Variants in SRGAP1 observed in about 807,000 individuals in gnomAD.
The protein encoded by SRGAP1 is SLIT-ROBO Rho GTPase activating protein 1.
A neutral mutation model predicts 121.9 loss-of-function variants in SRGAP1; 43 were observed. That is an observed-to-expected ratio of 0.35 (90% confidence interval 0.28 to 0.46). SRGAP1 has a LOEUF of 0.46. Ranked by LOEUF, SRGAP1 falls within the 20% of genes least tolerant of loss-of-function variation. The pLI, the probability that SRGAP1 is intolerant of heterozygous loss-of-function variation, is 1.00. For synonymous variants in SRGAP1, 447 were observed against 485.4 expected (o/e 0.92, Z 1.04); for missense variants, 1,102 against 1,350.9 (o/e 0.82, Z 2.89).
At chr12:63,895,188 G>C (rs200819654) in intron 1 of SRGAP1, among the ~76,000 whole-genome samples, 1 of 151,420 alleles carries the variant, frequency 6.6e-6, no homozygotes, top group South Asian at 2.1e-4. Flanking sequence ...GATATGGCTT[G>C]GTAGCTTAAT....
intron 6 of SRGAP1, among the ~76,000 whole-genome samples, chr12:64,059,289 G>A (rs1467264406): frequency 1.3e-5 from 2 of 152,112 alleles, no homozygotes; most frequent in South Asian, 2.1e-4. Context: ...GCTAAGTCTC[G>A]GAATAATGAA....
At chr12:63,965,623 TAGTGAGACCTCATTGGCATCAC>T (rs1288377256) in intron 1 of SRGAP1, among the ~76,000 whole-genome samples, 3 of 152,024 alleles carry the variant, frequency 2.0e-5, no homozygotes, top group South Asian at 2.1e-4. Flanking sequence ...CTGGGCAACA[TAGTGAGACCTCATTGGCATCAC>T]AGTGAGACCT....
At chr12:63,874,576 G>A (rs1899968486) in intron 1 of SRGAP1, among the ~76,000 whole-genome samples, 1 of 151,998 alleles carries the variant, frequency 6.6e-6, no homozygotes, top group African/African-American at 2.4e-5. Context: ...AGAAAAATAT[G>A]ATTAATAAAA....
At chr12:64,044,751 G>A (rs984289500) in intron 6 of SRGAP1, among the ~76,000 whole-genome samples, 10 of 141,642 alleles carry the variant, frequency 7.1e-5, no homozygotes, top group African/African-American at 1.8e-4. Flanking sequence ...GCACTATCGC[G>A]GCTTACTTAA....
chr12:63,955,108 A>G (rs746979484), intron 1 of SRGAP1, among the ~76,000 whole-genome samples: 1 of 152,190 alleles, frequency 6.6e-6, no homozygotes, highest in South Asian at 2.1e-4. Flanking sequence ...ACTTGAGGTC[A>G]GGAGTTTGAG....
chr12:64,017,502 A>G (rs1256218612), intron 4 of SRGAP1, among the ~76,000 whole-genome samples: 1 of 151,964 alleles, frequency 6.6e-6, no homozygotes, highest in Non-Finnish European at 1.5e-5. Flanking sequence ...TAAAAATGTA[A>G]AAGGTAGCTG....
intron 1 of SRGAP1, among the ~76,000 whole-genome samples, chr12:63,847,913 TAAC>T (rs1244989188): frequency 1.3e-5 from 2 of 151,906 alleles, no homozygotes; most frequent in Non-Finnish European, 2.9e-5. Context: ...TTTTCCCTAA[TAAC>T]AACTTTATTT....
At chr12:63,880,473 C>T (rs1378303796) in intron 1 of SRGAP1, among the ~76,000 whole-genome samples, 3 of 152,172 alleles carry the variant, frequency 2.0e-5, no homozygotes, top group Non-Finnish European at 4.4e-5. Flanking sequence ...TCAAGTGATC[C>T]GCCCCTCCCA....
In SRGAP1 at chr12:64,111,875, A is replaced by G. The variant is rs1565685685; in HGVS notation, c.2033A>G (p.His678Arg). The G allele has an allele frequency of 1.2e-6, 2 of 1,614,104 alleles. No individual in the cohort carries two copies. The highest frequency in any genetic ancestry group is 1.7e-6 in the Non-Finnish European group (2 of 1,179,996). ...CAGGATCAAGTGTCTTGCCAGGCACATGTGAATGAAATTATCAAAACCATC... is the reference window on the plus strand; with the variant it reads ...CAGGATCAAGTGTCTTGCCAGGCACGTGTGAATGAAATTATCAAAACCATC... The part of the protein sequence containing the change: ...EIQDQVSCQA[H>R]VNEIIKTIII... The change falls in exon 17 of 22, where the codon CAT becomes CGT. Residue 678 changes from histidine (H) to arginine (R), a missense_variant. Coordinates refer to ENST00000355086, the MANE Select transcript of SRGAP1 (RefSeq NM_020762.4).
intron 1 of SRGAP1, among the ~76,000 whole-genome samples, chr12:63,883,787 T>G (rs1900274600): frequency 6.6e-6 from 1 of 151,124 alleles, no homozygotes; most frequent in African/African-American, 2.4e-5. Context: ...GCCTCCCGAG[T>G]AGCTGGGACT....
In SRGAP1 at chr12:63,857,404, C is replaced by G. The variant is rs188789213; in HGVS notation, c.67+12521C>G. Among the ~76,000 whole-genome samples the G allele has an allele frequency of 7.5e-3, 1,003 of 133,136 alleles. 6 individuals carry two copies. The highest frequency in any genetic ancestry group is 0.018 in the Middle Eastern group (3 of 168). 87.3% of individuals were successfully genotyped at this position (133,136 alleles called of 152,430 possible). A position where few individuals can be genotyped will look rare whatever the true frequency, so the allele number is the denominator to read the frequency against. On this transcript the variant is annotated intron_variant, in intron 1 of 21. Transcript: ENST00000355086. ...TGCAATTTACTTTTTTTTTTTGAGA[C>G]GAAGTCTTGCTCTGTCACCCAGGCT...
Position 63,990,089 on chromosome 12 carries a change from C to T in SRGAP1, c.426+17C>T, listed in dbSNP as rs767781605. The stretch of plus-strand genomic sequence containing the variant: ...TTTAAAAAGGTACACTCCATAAATC[C>T]TGCCATAGTGTGCTTTCCAATAACT... On this transcript the variant is annotated intron_variant, in intron 3 of 21. Transcript: ENST00000355086. 2 of 1,580,786 alleles carry T rather than the reference C, an allele frequency of 1.3e-6. No homozygotes were observed. The highest frequency in any genetic ancestry group is 8.6e-7 in the Non-Finnish European group (1 of 1,164,902).
In SRGAP1 at chr12:64,078,931, A is replaced by T. The variant is rs375642946; in HGVS notation, c.1138A>T (p.Thr380Ser). Residue 380 changes from threonine (T) to serine (S), a missense_variant, in exon 9 of 22, where the codon ACT becomes TCT. Around this residue, in one of 3 missense-constraint regions of SRGAP1, gnomAD observed 747 missense variants for 929.4 expected, o/e 0.80. Coordinates refer to ENST00000355086, the MANE Select transcript of SRGAP1 (RefSeq NM_020762.4). The part of the protein sequence containing the change: ...KIENEEVKKT[T>S]EATLQTIQDM... ...TTTCTATTCCCAGGTTAAGAAAACG[A>T]CTGAAGCCACCTTGCAGACGATACA... 127 of 1,613,582 alleles carry T rather than the reference A, an allele frequency of 7.9e-5. No homozygotes were observed. The Middle Eastern group carries it at 9.9e-4, about 13-fold the overall frequency.
chr12:63,967,771 T>C (rs2032830238), intron 1 of SRGAP1, among the ~76,000 whole-genome samples: 2 of 152,214 alleles, frequency 1.3e-5, no homozygotes, highest in Admixed American at 6.5e-5. Context: ...CAGATTGTCC[T>C]GGAAAGCCTT....
At chr12:64,112,291 A>T (rs1269536693) in intron 17 of SRGAP1, among the ~76,000 whole-genome samples, 1 of 152,224 alleles carries the variant, frequency 6.6e-6, no homozygotes, top group Admixed American at 6.5e-5. Context: ...AATCAAGAAA[A>T]GATAACAGAT....
chr12:64,043,120 A>G, intron 5 of SRGAP1, 148 bp downstream of exon 5: 2 of 672,042 alleles, frequency 3.0e-6, no homozygotes, highest in Non-Finnish European at 5.0e-6. Context: ...TTTAGGAAAT[A>G]TAAAAATCAT....
intron 21 of SRGAP1, among the ~76,000 whole-genome samples, chr12:64,132,973 G>A (rs534525168): frequency 1.3e-5 from 2 of 152,350 alleles, no homozygotes; most frequent in East Asian, 3.9e-4. Flanking sequence ...ACCAGGAGAT[G>A]TGTTAATTTG....
At chr12:63,913,809 T>G (rs1464030140) in intron 1 of SRGAP1, among the ~76,000 whole-genome samples, 1 of 152,128 alleles carries the variant, frequency 6.6e-6, no homozygotes, top group Non-Finnish European at 1.5e-5. Context: ...AGTAATTTTA[T>G]GACTCTGGAA....
At chr12:63,894,426 C>T (rs1900685405) in intron 1 of SRGAP1, among the ~76,000 whole-genome samples, 1 of 151,964 alleles carries the variant, frequency 6.6e-6, no homozygotes, top group Admixed American at 6.6e-5. Flanking sequence ...TCTCTTCGCT[C>T]ATTGTAGCAT....
Sources: allele counts gnomAD v4.1 joint callset (sites outside exome capture counted in the v4.1 genomes callset), GRCh38; gene constraint gnomAD v4.1.1; regional missense constraint gnomAD v4.1.1; transcripts MANE v1.5; gene names NCBI Gene and HGNC (gene_info 2026-07-23, HGNC 2026-07-21).